DNER: variants seen among roughly 807,000 people sequenced by gnomAD.
The protein encoded by DNER is delta and Notch-like epidermal growth factor-related receptor.
Under a neutral mutation model 78.2 loss-of-function variants are expected in DNER, and 33 were observed. That is an observed-to-expected ratio of 0.42 (90% CI 0.32 to 0.56). DNER has a LOEUF of 0.56. Among genes scored for constraint, DNER ranks in the 20% least tolerant of loss-of-function variants. The pLI, the probability that DNER is intolerant of heterozygous loss-of-function variation, is 0.11. For missense variants in DNER, 918 were observed against 975.3 expected, an observed-to-expected ratio of 0.94 and a Z score of 0.78; for synonymous variants, 417 against 384.8, an observed-to-expected ratio of 1.08 and a Z score of -0.98.
intron 6 of DNER, among the ~76,000 whole-genome samples, chr2:229,486,428 G>C (rs909189944): frequency 6.6e-6 from 1 of 151,954 alleles, no homozygotes; most frequent in Non-Finnish European, 1.5e-5. Context: ...CTCAACATTG[G>C]GGAAAAAAGT....
intron 1 of DNER, among the ~76,000 whole-genome samples, chr2:229,681,041 G>A (rs1465606961): frequency 1.3e-5 from 2 of 152,178 alleles, no homozygotes; most frequent in African/African-American, 4.8e-5. Flanking sequence ...CAAAGGAGAG[G>A]CATATATGGG....
chr2:229,607,251 A>AT (rs1231132224), intron 1 of DNER, among the ~76,000 whole-genome samples: 2 of 152,186 alleles, frequency 1.3e-5, no homozygotes, highest in Admixed American at 1.3e-4. Context: ...GATATCTTTG[A>AT]TAAGAAGACT....
At chr2:229,514,005 T>C (rs1352808641) in intron 5 of DNER, among the ~76,000 whole-genome samples, 1 of 151,960 alleles carries the variant, frequency 6.6e-6, no homozygotes, top group East Asian at 1.9e-4. Context: ...TACAACCCAC[T>C]GCCTGCCTTC....
intron 1 of DNER, among the ~76,000 whole-genome samples, chr2:229,639,416 G>T (rs954862548): frequency 4.6e-5 from 7 of 152,026 alleles, no homozygotes; most frequent in African/African-American, 1.7e-4. Context: ...CACCACGCCT[G>T]GCTAACTTTT....
intron 5 of DNER, among the ~76,000 whole-genome samples, chr2:229,533,140 G>A (rs926822475): frequency 7.9e-5 from 12 of 152,124 alleles, no homozygotes; most frequent in African/African-American, 2.7e-4. Context: ...TAAATTAAGG[G>A]TTCTCAGAAT....
chr2:229,512,061 T>C (rs1221295951), intron 6 of DNER, among the ~76,000 whole-genome samples: 4 of 152,142 alleles, frequency 2.6e-5, no homozygotes, highest in South Asian at 2.1e-4. Flanking sequence ...GGTATATATA[T>C]ACGATGGAAT....
chr2:229,665,871 G>C (rs548892422), intron 1 of DNER, among the ~76,000 whole-genome samples: 1 of 152,220 alleles, frequency 6.6e-6, no homozygotes, highest in South Asian at 2.1e-4. Context: ...TATCTGGCAT[G>C]CCTGCATCTC....
intron 2 of DNER, 144 bp from the exon 3 acceptor site, chr2:229,588,632 C>A (rs563550814): frequency 6.6e-5 from 43 of 649,106 alleles, no homozygotes; most frequent in South Asian, 6.4e-4. Context: ...AGAAGTGAAG[C>A]CTTACAAACT....
intron 9 of DNER, among the ~76,000 whole-genome samples, chr2:229,408,372 C>G (rs1693435690): frequency 6.6e-6 from 1 of 151,980 alleles, no homozygotes; most frequent in Non-Finnish European, 1.5e-5. Context: ...CACTGGATGC[C>G]AAGATGGATG....
At chr2:229,377,115 C>T (rs1692622024) in intron 11 of DNER, among the ~76,000 whole-genome samples, 1 of 152,094 alleles carries the variant, frequency 6.6e-6, no homozygotes, top group Non-Finnish European at 1.5e-5. Context: ...ATTACAAGCT[C>T]CCAAAGGCAG....
chr2:229,512,880 G>A lies in DNER; in HGVS notation c.1050C>T (p.Tyr350=), dbSNP rs755132810. ...GGCAAGGTTTCCTCTGGCAAGCATC[G>A]TATTCTTCACAGAAAGTACCCACGT... ...EQYVGTFCEE[Y]DACQRKPCQN... is the part of the protein sequence containing the mutation. The change falls in exon 6 of 13, where the codon TAC becomes TAT. Residue 350 remains tyrosine (Y), a synonymous_variant. Coordinates refer to ENST00000341772, the MANE Select transcript of DNER (RefSeq NM_139072.4). 6.8e-6 allele frequency: 11 copies of A among 1,613,912 alleles called. No individual in the cohort carries two copies. Among genetic ancestry groups the A allele is most frequent in the Admixed American group, 1.7e-5 (1 of 59,992 alleles).
intron 1 of DNER, among the ~76,000 whole-genome samples, chr2:229,653,833 C>T (rs1019163948): frequency 2.6e-5 from 4 of 152,122 alleles, no homozygotes; most frequent in Non-Finnish European, 5.9e-5. Context: ...AAGGAAATAC[C>T]CAACATAGGG....
intron 7 of DNER, among the ~76,000 whole-genome samples, chr2:229,473,484 T>TAA (rs1223076141): frequency 3.9e-5 from 6 of 152,194 alleles, no homozygotes; most frequent in African/African-American, 1.2e-4. Context: ...TCTAATCTGT[T>TAA]AAATGGAAAT....
chr2:229,682,559 G>A (rs1035662365), intron 1 of DNER, among the ~76,000 whole-genome samples: 1 of 152,132 alleles, frequency 6.6e-6, no homozygotes, highest in African/African-American at 2.4e-5. Flanking sequence ...GGATAGAAAA[G>A]ATAAAGGGCC....
chr2:229,684,124 T>TGTGTGTG (rs1559208232), intron 1 of DNER, among the ~76,000 whole-genome samples: 284 of 67,666 alleles, frequency 4.2e-3, no homozygotes, highest in African/African-American at 0.016. Context: ...GTGTGTGTGT[T>TGTGTGTG]TGTGTGTGTG....
Position 229,714,463 on chromosome 2 carries a change from G to T in DNER, c.-40C>A. 9.1e-7 allele frequency: 1 copy of T among 1,104,154 alleles called. No individual in the cohort carries two copies. The highest frequency in any genetic ancestry group is 5.7e-5 in the East Asian group (1 of 17,464). 68.4% of individuals were successfully genotyped at this position (1,104,154 alleles called of 1,614,324 possible). A position where few individuals can be genotyped will look rare whatever the true frequency, so the allele number is the denominator to read the frequency against. ...GCGCGGGAGCCGGAGCCAGGACGCA[G>T]TGACGGCGGCGGCGGTGGCAGTGGC... On this transcript the variant is annotated 5_prime_UTR_variant, in exon 1 of 13. The change creates a new upstream start codon in the 5' untranslated region. Coordinates refer to ENST00000341772, the MANE Select transcript of DNER (RefSeq NM_139072.4).
chr2:229,389,146 G>A (rs1009028159), intron 10 of DNER, among the ~76,000 whole-genome samples: 33 of 152,038 alleles, frequency 2.2e-4, no homozygotes, highest in African/African-American at 8.0e-4. Flanking sequence ...AAGGGAAGCT[G>A]TCTGTCATTC....
rs533876328 is a variant in DNER, at chr2:229,591,391, G to A, written c.585+189C>T. ...AAAAAATAATTTGATTCATTTTTTT[G>A]TTTACTCTTTTTATACTTATAAAAC... On this transcript the variant is annotated intron_variant, in intron 2 of 12. Transcript: ENST00000341772. This position sits in a 1 kb window ranked among gnomAD's most constrained non-coding sequence, Gnocchi z 4.6. Among the ~76,000 whole-genome samples the A allele has an allele frequency of 2.0e-5, 3 of 152,164 alleles. No individual in the cohort carries two copies. The East Asian group carries it at 5.8e-4, about 29-fold the overall frequency.
At position 229,479,962 on chromosome 2, in the gene DNER, C is replaced by T. The variant is rs187768592; in HGVS notation, c.1148-2709G>A. On this transcript the variant is annotated intron_variant, in intron 6 of 12. Transcript: ENST00000341772. ...TGGATGGCATCATGAATTCTGTCCCCGGAAAGATGTCAGAATTGCGACCAC... is the reference window on the plus strand; with the variant it reads ...TGGATGGCATCATGAATTCTGTCCCTGGAAAGATGTCAGAATTGCGACCAC... Among the ~76,000 whole-genome samples the T allele has an allele frequency of 3.1e-3, 469 of 152,198 alleles. 1 individual carries two copies. The highest frequency in any genetic ancestry group is 0.011 in the African/African-American group (442 of 41,522).
Sources: allele counts gnomAD v4.1 joint callset (sites outside exome capture counted in the v4.1 genomes callset), GRCh38; gene constraint gnomAD v4.1.1; non-coding constraint Gnocchi (gnomAD v3.1); transcripts MANE v1.5; gene names NCBI Gene and HGNC (gene_info 2026-07-23, HGNC 2026-07-21).